PTPRA: variants seen among roughly 807,000 people sequenced by gnomAD.
PTPRA encodes the protein receptor-type tyrosine-protein phosphatase alpha.
Under a neutral mutation model 104.8 loss-of-function variants are expected in PTPRA, and 25 were observed. That is an observed-to-expected ratio of 0.24 (90% confidence interval 0.17 to 0.33). The LOEUF (loss-of-function observed/expected upper bound fraction) is 0.33, where lower values mean the gene tolerates loss of function less well. PTPRA is among the 10% of genes least tolerant of loss of function. The pLI is 1.00. For synonymous variants in PTPRA, 323 were observed against 368.9 expected (o/e 0.88, Z 1.43); for missense variants, 765 against 1,015.3 (o/e 0.75, Z 3.35).
chr20:3,028,183 C>T (rs6138983), intron 20 of PTPRA, among the ~76,000 whole-genome samples: 93 of 149,926 alleles, frequency 6.2e-4, no homozygotes, highest in African/African-American at 2.0e-3. Context: ...GTGCCCCAGG[C>T]GGGGGGGGCA....
At position 3,025,868 on chromosome 20, in the gene PTPRA, C is replaced by CA. The variant is rs560575967; in HGVS notation, c.1615-801dup. On this transcript the variant is annotated intron_variant, in intron 17 of 23. Transcript: ENST00000399903. ...TGGGTGACAGAGCAAGACTCTGTCT[C>CA]AAAAAAAAAAAAAAAAAAGATATTA... Among the ~76,000 whole-genome samples the CA allele has an allele frequency of 4.6e-3, 311 of 67,846 alleles. 1 individual carries two copies. The highest frequency in any genetic ancestry group is 0.011 in the East Asian group (24 of 2,140). The allele number at this position is 67,846 out of a possible 152,430, so 44.5% of individuals were successfully genotyped here.
Position 2,945,929 on chromosome 20 carries a change from A to AAT in PTPRA, c.-49-2044_-49-2043dup, listed in dbSNP as rs374484092. On this transcript the variant is annotated intron_variant, in intron 2 of 23. Transcript: ENST00000399903. ...GGGTGACAGAGTGAGACTCCATCTC[A>AAT]ATATATATATGCGTGTGTGTATATA... 1.5e-3 allele frequency among the ~76,000 whole-genome samples: 227 copies of AAT among 151,872 alleles called. 1 individual carries two copies. The highest frequency in any genetic ancestry group is 5.3e-3 in the African/African-American group (219 of 41,414).
intron 1 of PTPRA, among the ~76,000 whole-genome samples, chr20:2,908,373 A>G (rs1226589275): frequency 6.6e-6 from 1 of 152,168 alleles, no homozygotes; most frequent in Non-Finnish European, 1.5e-5. Context: ...TACATATACA[A>G]CCAAACGTGG....
chr20:2,909,831 TAA>T (rs2059569132), intron 1 of PTPRA, among the ~76,000 whole-genome samples: 1 of 122,246 alleles, frequency 8.2e-6, no homozygotes, highest in Non-Finnish European at 1.5e-5. Context: ...ATATATTAGA[TAA>T]TATATATAAT....
chr20:2,949,583 T>A (rs769500004), intron 3 of PTPRA, among the ~76,000 whole-genome samples: 1 of 152,154 alleles, frequency 6.6e-6, no homozygotes, highest in Non-Finnish European at 1.5e-5. Context: ...TGAGCCACTG[T>A]GCCTGGCCAA....
intron 2 of PTPRA, among the ~76,000 whole-genome samples, chr20:2,923,566 A>T (rs1427394037): frequency 6.6e-6 from 1 of 152,006 alleles, no homozygotes; most frequent in Admixed American, 6.6e-5. Flanking sequence ...TGGGAGGCCG[A>T]GGCGGGCAGA....
At chr20:2,975,433 T>A (rs2062392652) in intron 6 of PTPRA, among the ~76,000 whole-genome samples, 192 bp downstream of exon 6, 1 of 152,232 alleles carries the variant, frequency 6.6e-6, no homozygotes, top group Non-Finnish European at 1.5e-5. Flanking sequence ...GTATGTTTTT[T>A]AATATAGACT....
chr20:2,943,787 T>C (rs561316449), intron 2 of PTPRA, among the ~76,000 whole-genome samples: 1 of 152,350 alleles, frequency 6.6e-6, no homozygotes, highest in African/African-American at 2.4e-5. Context: ...ATGCAGATTA[T>C]TTGGTTGATG....
chr20:2,864,690 C>T, the PTPRA span: 2 of 1,599,210 alleles, frequency 1.3e-6, no homozygotes, highest in East Asian at 2.2e-5. The surrounding 1 kb of genome is among the most constrained non-coding windows in gnomAD (Gnocchi z 5.2). Flanking sequence ...GCGTGTGGGG[C>T]ATGTGGGCTG....
intron 3 of PTPRA, 89 bp downstream of exon 3, chr20:2,948,113 G>T (rs2061205886): frequency 1.7e-6 from 1 of 598,598 alleles, no homozygotes; most frequent in Non-Finnish European, 2.6e-6. Context: ...TTAGCAAGCT[G>T]CTTATGGCAT....
chr20:3,000,475 A>G (rs913999404), intron 9 of PTPRA, among the ~76,000 whole-genome samples: 3 of 152,192 alleles, frequency 2.0e-5, no homozygotes, highest in African/African-American at 7.2e-5. Context: ...GGAACACTAC[A>G]TTGCTGGTGG....
At chr20:2,888,847 A>G (rs1395323498) in intron 1 of PTPRA, among the ~76,000 whole-genome samples, 1 of 152,244 alleles carries the variant, frequency 6.6e-6, no homozygotes, top group Non-Finnish European at 1.5e-5. Flanking sequence ...AAGGGAAGAT[A>G]GGAGAGTTTT....
intron 11 of PTPRA, among the ~76,000 whole-genome samples, chr20:3,010,722 G>T (rs1299741683): frequency 1.3e-5 from 2 of 152,218 alleles, no homozygotes; most frequent in Non-Finnish European, 2.9e-5. Flanking sequence ...CTGTTAGGGA[G>T]CAAGGCTTTT....
chr20:2,885,935 G>A (rs1209374932), intron 1 of PTPRA, among the ~76,000 whole-genome samples: 1 of 152,080 alleles, frequency 6.6e-6, no homozygotes. Context: ...GTGGTGGCAC[G>A]CACCTATAAT....
At chr20:3,030,024 C>T (rs1282793977) in intron 20 of PTPRA, among the ~76,000 whole-genome samples, 1 of 152,148 alleles carries the variant, frequency 6.6e-6, no homozygotes, top group Non-Finnish European at 1.5e-5. Context: ...CAGGGCCCTA[C>T]CTGTGGTTCC....
the PTPRA span, chr20:2,865,939 G>A: frequency 2.0e-6 from 1 of 510,922 alleles, no homozygotes; most frequent in Non-Finnish European, 3.5e-6. The surrounding 1 kb of genome is among the most constrained non-coding windows in gnomAD (Gnocchi z 5.2). Context: ...TGGCAGGAAC[G>A]CCTGTTGCAA....
At chr20:2,932,432 G>T (rs879256701) in intron 2 of PTPRA, among the ~76,000 whole-genome samples, 7 of 152,132 alleles carry the variant, frequency 4.6e-5, no homozygotes, top group African/African-American at 1.7e-4. Flanking sequence ...TAGAACATCC[G>T]TGTCTATTTG....
intron 20 of PTPRA, among the ~76,000 whole-genome samples, chr20:3,030,284 A>G (rs1007576224): frequency 3.3e-5 from 5 of 152,238 alleles, no homozygotes; most frequent in South Asian, 4.2e-4. Flanking sequence ...TGCGCACACA[A>G]ATTCTGCTGC....
intron 3 of PTPRA, among the ~76,000 whole-genome samples, chr20:2,951,470 A>G (rs2061352651): frequency 6.6e-6 from 1 of 152,172 alleles, no homozygotes; most frequent in South Asian, 2.1e-4. Context: ...CTCATAATCT[A>G]GCTGCCTCCT....
Sources: gnomAD v4.1 joint callset for allele counts (sites outside exome capture counted in the v4.1 genomes callset) on GRCh38, gnomAD v4.1.1 for gene constraint, Gnocchi (gnomAD v3.1) non-coding constraint, MANE v1.5 for transcripts, NCBI Gene and HGNC (gene_info 2026-07-23, HGNC 2026-07-21) for gene names.